Variants in GIT2 observed in about 807,000 individuals in gnomAD.
GIT2 encodes ARF GTPase-activating protein GIT2.
Under a neutral mutation model 100.3 loss-of-function variants are expected in GIT2, and 32 were observed. That is an observed-to-expected ratio of 0.32 (90% CI 0.24 to 0.43). The LOEUF is 0.43. Ranked by LOEUF, GIT2 falls within the 20% of genes least tolerant of loss-of-function variation. The probability of loss-of-function intolerance (pLI) is 1.00; values close to 1 mark genes in which losing one functional copy is unlikely to be tolerated. For missense variants in GIT2, 737 were observed against 975.1 expected, an observed-to-expected ratio of 0.76 and a Z score of 3.25; for synonymous variants, 353 against 364.1, an observed-to-expected ratio of 0.97 and a Z score of 0.35.
chr12:109,989,173 G>T, intron 3 of GIT2, 105 bp from the exon 4 acceptor site: 1 of 735,508 alleles, frequency 1.4e-6, no homozygotes, highest in Non-Finnish European at 2.5e-6. Flanking sequence ...CCCCACTTGA[G>T]AATAAAATGA....
chr12:109,945,474 A>C, intron 15 of GIT2, 125 bp from the exon 16 acceptor site: 5 of 651,192 alleles, frequency 7.7e-6, no homozygotes, highest in East Asian at 2.8e-5. Flanking sequence ...CTGCAATCTC[A>C]GTGGCCACCA....
rs532720332 is a variant in GIT2 at position 109,951,066 on chromosome 12, T to G, written c.1392+101A>C. ...CCAAAGATTTCTAAGGCTGTTACAA[T>G]AACTGTTTTTCTTTCCTCGGACCAC... is the stretch of plus-strand genomic sequence containing the variant. On this transcript the variant is annotated intron_variant, in intron 14 of 19. Transcript: ENST00000355312. 175 of 993,804 alleles carry G rather than the reference T, an allele frequency of 1.8e-4. 1 individual carries two copies. In the Admixed American group the frequency reaches 3.6e-3, roughly 20 times the overall value. The allele number at this position is 993,804 out of a possible 1,614,324, so 61.6% of individuals were successfully genotyped here. A position where few individuals can be genotyped will look rare whatever the true frequency, so the allele number is the denominator to read the frequency against.
In GIT2 at chr12:109,948,439, A is replaced by C; in HGVS notation, c.1393-935T>G. The C allele has an allele frequency of 9.8e-7, 1 of 1,024,198 alleles. No individual in the cohort carries two copies. Among genetic ancestry groups the C allele is most frequent in the Non-Finnish European group, 1.2e-6 (1 of 855,426 alleles). 63.4% of individuals were successfully genotyped at this position (1,024,198 alleles called of 1,614,324 possible). A position where few individuals can be genotyped will look rare whatever the true frequency, so the allele number is the denominator to read the frequency against. ...CCTGAATGCTCCTTCCATTCCTCACATGCAGGCTGCTCCATGGTGCTGGAT... is the reference window on the plus strand; with the variant it reads ...CCTGAATGCTCCTTCCATTCCTCACCTGCAGGCTGCTCCATGGTGCTGGAT... On this transcript the variant is annotated intron_variant, in intron 14 of 19. Coordinates refer to ENST00000355312, the MANE Select transcript of GIT2 (RefSeq NM_057169.5). The surrounding 1 kb of genome is among the most constrained non-coding windows in gnomAD (Gnocchi z 4.3).
intron 9 of GIT2, 133 bp downstream of exon 9, chr12:109,965,393 T>C: frequency 1.6e-6 from 1 of 615,424 alleles, no homozygotes; most frequent in Non-Finnish European, 2.9e-6. Context: ...TACTCAACAG[T>C]CTGCTTCTAG....
At chr12:109,999,843 T>C, upstream of GIT2, 1 of 1,428,216 alleles carries the variant, frequency 7.0e-7, no homozygotes, top group Non-Finnish European at 9.4e-7. This position sits in a 1 kb window ranked among gnomAD's most constrained non-coding sequence, Gnocchi z 4.3. Flanking sequence ...CGGGGGTCGT[T>C]TCGCCTCCCT....
chr12:109,932,782 C>T lies in GIT2; in HGVS notation c.*196G>A. On this transcript the variant is annotated 3_prime_UTR_variant, in exon 20 of 20. Transcript: ENST00000355312. ...ATCAGAAACTAAACCAGCAAATAGGCACAAAATAAGGCAAGTGGGTTAAAT... is the reference window on the plus strand; with the variant it reads ...ATCAGAAACTAAACCAGCAAATAGGTACAAAATAAGGCAAGTGGGTTAAAT... 1.8e-6 allele frequency: 1 copy of T among 551,036 alleles called. No individual in the cohort carries two copies. Among genetic ancestry groups the T allele is most frequent in the Non-Finnish European group, 3.3e-6 (1 of 307,656 alleles). The allele number at this position is 551,036 out of a possible 1,614,324, so 34.1% of individuals were successfully genotyped here.
intron 7 of GIT2, among the ~76,000 whole-genome samples, chr12:109,974,648 C>A (rs1884664891): frequency 6.6e-6 from 1 of 152,062 alleles, no homozygotes; most frequent in Non-Finnish European, 1.5e-5. Context: ...AATTTTAATT[C>A]TTTTAGATTA....
intron 12 of GIT2, among the ~76,000 whole-genome samples, chr12:109,956,724 C>T (rs1030024127): frequency 7.2e-5 from 11 of 152,016 alleles, no homozygotes; most frequent in Non-Finnish European, 1.6e-4. Flanking sequence ...CTTTTAAAAA[C>T]TTTATTATTT....
At chr12:109,985,137 G>GT (rs1007577245) in intron 4 of GIT2, among the ~76,000 whole-genome samples, 1 of 151,838 alleles carries the variant, frequency 6.6e-6, no homozygotes, top group Non-Finnish European at 1.5e-5. Flanking sequence ...TTTTTAAATA[G>GT]TTTTTTTGTT....
Position 109,947,795 on chromosome 12 carries a change from G to A in GIT2, c.1393-291C>T, listed in dbSNP as rs529365434. On this transcript the variant is annotated intron_variant, in intron 14 of 19. Coordinates refer to ENST00000355312, the MANE Select transcript of GIT2 (RefSeq NM_057169.5). This position sits in a 1 kb window ranked among gnomAD's most constrained non-coding sequence, Gnocchi z 4.3. Reference sequence around the variant, plus strand: ...TCTAACCACTTTAAAATTTGTCATGGTGGGGCTGGGAAATGTTTGCAGGCA... The same window carrying A: ...TCTAACCACTTTAAAATTTGTCATGATGGGGCTGGGAAATGTTTGCAGGCA... The A allele has an allele frequency of 2.0e-5, 7 of 346,398 alleles. No homozygotes were observed. In the South Asian group the frequency reaches 2.3e-4, roughly 12 times the overall value. The allele number at this position is 346,398 out of a possible 1,614,324, so 21.5% of individuals were successfully genotyped here.
chr12:109,961,438 G>A, intron 10 of GIT2, 63 bp from the exon 11 acceptor site: 2 of 1,108,620 alleles, frequency 1.8e-6, no homozygotes, highest in Admixed American at 1.7e-5. Flanking sequence ...CTCCTGGGAG[G>A]CACAGCTCAC....
chr12:109,973,536 A>G (rs56408838), intron 7 of GIT2, among the ~76,000 whole-genome samples: 1 of 152,128 alleles, frequency 6.6e-6, no homozygotes, highest in Non-Finnish European at 1.5e-5. Flanking sequence ...ATTGCCAGAC[A>G]TTTATGAGTT....
intron 1 of GIT2, among the ~76,000 whole-genome samples, chr12:109,995,569 A>T (rs1889195860): frequency 6.6e-6 from 1 of 152,206 alleles, no homozygotes; most frequent in Non-Finnish European, 1.5e-5. Context: ...CCAGAAGCAA[A>T]ATCTAGTTTG....
chr12:109,968,965 C>A (rs1025495007), intron 7 of GIT2, among the ~76,000 whole-genome samples: 1 of 152,082 alleles, frequency 6.6e-6, no homozygotes, highest in Non-Finnish European at 1.5e-5. Flanking sequence ...CTCAGGTAAT[C>A]CACCTGCCTA....
chr12:109,965,916 T>C (rs1039863437), intron 8 of GIT2, among the ~76,000 whole-genome samples: 4 of 150,960 alleles, frequency 2.6e-5, no homozygotes, highest in African/African-American at 9.7e-5. Flanking sequence ...TATAAGAAAA[T>C]ATGTCGGGCT....
At chr12:109,994,075 CAAAAA>C (rs34393850) in intron 1 of GIT2, among the ~76,000 whole-genome samples, 3 of 59,690 alleles carry the variant, frequency 5.0e-5, no homozygotes, top group Non-Finnish European at 1.1e-4. Flanking sequence ...ACACTAATGG[CAAAAA>C]AAAAAAAAAA....
intron 12 of GIT2, among the ~76,000 whole-genome samples, chr12:109,955,876 G>A (rs1879290026): frequency 1.3e-5 from 2 of 151,390 alleles, no homozygotes; most frequent in South Asian, 4.2e-4. Context: ...AACACACCTA[G>A]AAAATTTTTA....
intron 14 of GIT2, among the ~76,000 whole-genome samples, chr12:109,949,428 G>A (rs1218954597): frequency 6.6e-6 from 1 of 152,220 alleles, no homozygotes; most frequent in African/African-American, 2.4e-5. Flanking sequence ...GATTTTGTCT[G>A]AATGTGTTCT....
At chr12:109,999,933 A>ACTGTC, upstream of GIT2, 1 of 591,412 alleles carries the variant, frequency 1.7e-6, no homozygotes, top group East Asian at 3.4e-5. This position sits in a 1 kb window ranked among gnomAD's most constrained non-coding sequence, Gnocchi z 4.3. Context: ...TAATAATAGG[A>ACTGTC]CACGTATCGA....
Sources: gnomAD v4.1 joint callset for allele counts (sites outside exome capture counted in the v4.1 genomes callset) on GRCh38, gnomAD v4.1.1 for gene constraint, Gnocchi (gnomAD v3.1) non-coding constraint, MANE v1.5 for transcripts, NCBI Gene and HGNC (gene_info 2026-07-23, HGNC 2026-07-21) for gene names.